ADAMTS5: variants seen among roughly 807,000 people sequenced by gnomAD.
The protein encoded by ADAMTS5 is ADAM metallopeptidase with thrombospondin type 1 motif 5.
ADAMTS5 carries 54 observed loss-of-function variants against 81.4 expected under a neutral mutation model. The ratio of observed to expected loss-of-function variants is 0.66; its 90% CI spans 0.53 to 0.83. The LOEUF is 0.83. ADAMTS5 is among the 40% of genes least tolerant of loss of function. ADAMTS5 has a pLI of 0.00. For missense variants in ADAMTS5, 1,194 were observed against 1,229.9 expected (o/e 0.97, Z 0.44); for synonymous variants, 532 against 508.8 (o/e 1.05, Z -0.61).
chr21:26,963,655 A>C (rs1987574598), intron 1 of ADAMTS5, among the ~76,000 whole-genome samples: 1 of 64,140 alleles, frequency 1.6e-5, no homozygotes, highest in Non-Finnish European at 3.0e-5. Context: ...AAAAAAAAAA[A>C]AAAAAAAAAA....
rs371205954 is a variant in ADAMTS5 at position 26,965,847 on chromosome 21, T to A, written c.545A>T (p.Tyr182Phe). ...CAGGATCCGTGCGGACCCATCCCCG[T>A]ACACGCGCCCCTTTTCTTCCTCCGC... Reference protein sequence around the residue: ...PWAEEEKGRVYGDGSARILHV... With the variant: ...PWAEEEKGRVFGDGSARILHV... Residue 182 changes from tyrosine (Y) to phenylalanine (F), a missense_variant, in exon 1 of 8, where the codon TAC (tyrosine) becomes TTC (phenylalanine). Tyr to Phe is a conservative substitution (Grantham distance 22). This residue lies in a region of ADAMTS5 where 498 missense variants were observed against 412.3 expected (regional missense o/e 1.21). Transcript: ENST00000284987. 1 of 1,612,622 alleles carries A rather than the reference T, an allele frequency of 6.2e-7. No individual in the cohort carries two copies.
At chr21:26,955,915 C>T (rs1987417317) in intron 1 of ADAMTS5, among the ~76,000 whole-genome samples, 1 of 152,144 alleles carries the variant, frequency 6.6e-6, no homozygotes, top group African/African-American at 2.4e-5. Flanking sequence ...ATTGTAAAGA[C>T]AACTGTTTAT....
chr21:26,933,618 C>T (rs778104080), intron 4 of ADAMTS5, among the ~76,000 whole-genome samples: 53 of 152,342 alleles, frequency 3.5e-4, no homozygotes, highest in Non-Finnish European at 7.1e-4. Flanking sequence ...AATGCACTCA[C>T]GCCATACATG....
At chr21:26,943,311 TA>T in intron 3 of ADAMTS5, 68 bp downstream of exon 3, 1 of 1,401,584 alleles carries the variant, frequency 7.1e-7, no homozygotes, top group Non-Finnish European at 9.8e-7. Context: ...TATGAGGATA[TA>T]ATGAAGTCAA....
chr21:26,933,089 A>G (rs1227509137), intron 4 of ADAMTS5, 45 bp from the exon 5 acceptor site: 1 of 1,551,834 alleles, frequency 6.4e-7, no homozygotes, highest in South Asian at 1.2e-5. Context: ...TGAGAGAAAA[A>G]CATTGAAAGT....
chr21:26,932,061 C>T lies in ADAMTS5; in HGVS notation c.1992G>A (p.Val664=). The T allele has an allele frequency of 2.5e-6, 4 of 1,614,196 alleles. No homozygotes were observed. Among genetic ancestry groups the T allele is most frequent in the Admixed American group, 3.3e-5 (2 of 60,026 alleles). The change falls in exon 6 of 8, where the codon GTG becomes GTA. Residue 664 remains valine, a synonymous_variant. Transcript: ENST00000284987. ...CCTTGGCTCTGCAGGTCAGCTTGCA[C>T]ACATCCGCTGGCAGGACACCTGCAT... is the stretch of plus-strand genomic sequence containing the variant. The part of the protein sequence containing the change: ...PKYAGVLPAD[V]CKLTCRAKGT...
chr21:26,937,701 T>G (rs1441126061), intron 3 of ADAMTS5, among the ~76,000 whole-genome samples: 1 of 151,810 alleles, frequency 6.6e-6, no homozygotes, highest in African/African-American at 2.4e-5. Flanking sequence ...GGGGAAGGAG[T>G]AAAAGGGGAA....
chr21:26,959,515 T>A (rs979793900), intron 1 of ADAMTS5, among the ~76,000 whole-genome samples: 1 of 152,194 alleles, frequency 6.6e-6, no homozygotes, highest in Non-Finnish European at 1.5e-5. Context: ...AGTCATCACA[T>A]ACGTTATTCT....
rs610211 is a variant in ADAMTS5, at chr21:26,966,132, A to T, written c.260T>A (p.Val87Glu). The T allele has an allele frequency of 4.4e-5, 71 of 1,612,252 alleles. 1 individual carries two copies. The Admixed American group carries it at 6.7e-4, about 15-fold the overall frequency. The stretch of plus-strand genomic sequence containing the variant: ...GCCGCCCGCGTAGACGAGGTAGCCC[A>T]CCTTGCCGCCGCCGGAGTAGAGTTG... ...IDQLYSGGGK[V>E]GYLVYAGGRR... Residue 87 changes from valine to glutamate, a missense_variant, in exon 1 of 8, where the codon GTG becomes GAG. Coordinates refer to ENST00000284987, the MANE Select transcript of ADAMTS5 (RefSeq NM_007038.5).
chr21:26,966,238 G>A lies in ADAMTS5; in HGVS notation c.154C>T (p.Gln52Ter). The A allele has an allele frequency of 6.2e-7, 1 of 1,602,058 alleles. No individual in the cohort carries two copies. ...QPRRRQGEEV[Q>*]ERAEPPGHPH... ...TGGCCGGGAGGCTCGGCTCGCTCCT[G>A]CACCTCCTCCCCCTGCCGCCGGCGG... The change falls in exon 1 of 8, where the codon CAG (glutamine) becomes TAG (stop). Residue 52 changes from glutamine (Q) to a stop codon, truncating the protein, a stop_gained. Coordinates refer to ENST00000284987, the MANE Select transcript of ADAMTS5 (RefSeq NM_007038.5). LOFTEE classifies it high-confidence loss of function.
At position 26,924,560 on chromosome 21, in the gene ADAMTS5, C is replaced by T; in HGVS notation, c.2286G>A (p.Gln762=). 1.2e-6 allele frequency: 2 copies of T among 1,614,046 alleles called. No homozygotes were observed. The highest frequency in any genetic ancestry group is 2.7e-5 in the African/African-American group (2 of 75,002). ...PEGATHIKVR[Q]FKAKDQTRFT... ...ATCTAGTCTGGTCTTTGGCTTTGAACTGTCGAACTTTTATGTGGGTTGCCC... is the reference window on the plus strand; with the variant it reads ...ATCTAGTCTGGTCTTTGGCTTTGAATTGTCGAACTTTTATGTGGGTTGCCC... Residue 762 remains glutamine, a synonymous_variant, in exon 8 of 8, where the codon CAG becomes CAA. Transcript: ENST00000284987.
intron 1 of ADAMTS5, among the ~76,000 whole-genome samples, chr21:26,956,213 T>A (rs997029758): frequency 6.6e-6 from 1 of 152,226 alleles, no homozygotes; most frequent in African/African-American, 2.4e-5. Context: ...ATAAAAATCC[T>A]ACCAAGGTGA....
In ADAMTS5 at chr21:26,965,726, A is replaced by G. The variant is rs369445782; in HGVS notation, c.666T>C (p.Ala222=). 3.8e-6 allele frequency: 6 copies of G among 1,590,664 alleles called. No individual in the cohort carries two copies. In the African/African-American group the frequency reaches 4.0e-5, roughly 11 times the overall value. ...GTCCGCTCGGGTTGCTGTGCGCCGGAGCATGCTCGTGGGCCTCCGGTGTGG... is the reference window on the plus strand; with the variant it reads ...GTCCGCTCGGGTTGCTGTGCGCCGGGGCATGCTCGTGGGCCTCCGGTGTGG... The part of the protein sequence containing the change: ...PASTPEAHEH[A]PAHSNPSGRA... Residue 222 remains alanine, a synonymous_variant, in exon 1 of 8, where the codon GCT becomes GCC. Coordinates refer to ENST00000284987, the MANE Select transcript of ADAMTS5 (RefSeq NM_007038.5).
At position 26,919,303 on chromosome 21, in the gene ADAMTS5, C is replaced by G. The variant is rs1278611782; in HGVS notation, c.*4750G>C. The G allele has an allele frequency of 6.6e-6, 1 of 151,176 alleles. No homozygotes were observed. The highest frequency in any genetic ancestry group is 1.5e-5 in the Non-Finnish European group (1 of 67,802). 9.4% of individuals were successfully genotyped at this position (151,176 alleles called of 1,614,324 possible). Reference sequence around the variant, plus strand: ...TTAGGTCACTCTGATGTAGCAGTACCTTACAGGATGAGGGGCCACTGCTCG... The same window carrying G: ...TTAGGTCACTCTGATGTAGCAGTACGTTACAGGATGAGGGGCCACTGCTCG... On this transcript the variant is annotated 3_prime_UTR_variant, in exon 8 of 8. Transcript: ENST00000284987.
intron 6 of ADAMTS5, 119 bp from the exon 7 acceptor site, chr21:26,930,180 GAA>G (rs34738885): frequency 4.5e-4 from 290 of 644,206 alleles, no homozygotes; most frequent in East Asian, 8.7e-4. Flanking sequence ...ACAGTCCATT[GAA>G]AAAAAAAAAA....
rs1986742848 is a variant in ADAMTS5, at chr21:26,923,625, AC to A, written c.*427del. 1 of 157,262 alleles carries A rather than the reference AC, an allele frequency of 6.4e-6. No individual in the cohort carries two copies. The highest frequency in any genetic ancestry group is 2.4e-5 in the African/African-American group (1 of 41,520). The allele number at this position is 157,262 out of a possible 1,614,324, so 9.7% of individuals were successfully genotyped here. On this transcript the variant is annotated 3_prime_UTR_variant, in exon 8 of 8. Transcript: ENST00000284987. The stretch of plus-strand genomic sequence containing the variant: ...AAATATATATGGATATTTTAATAGA[AC>A]CAGGGGATATAAAGTGACATACCAA...
Position 26,965,327 on chromosome 21 carries a change from ATG to A in ADAMTS5, c.1063_1064del (p.His355Ter). The A allele has an allele frequency of 1.9e-6, 3 of 1,614,176 alleles. No individual in the cohort carries two copies. Among genetic ancestry groups the A allele is most frequent in the Non-Finnish European group, 2.5e-6 (3 of 1,180,004 alleles). On this transcript the variant is annotated frameshift_variant, in exon 1 of 8. Transcript: ENST00000284987. LOFTEE classifies it high-confidence loss of function. ...GGATAGCTGCATCGTAGTGCTCCTC[ATG>A]GTCATCTCCCAGCTGGTTGTGTTGG... ...QHQHNQLGDDHEEHYDAAILF... is the reference protein window; with the variant it reads ...QHQHNQLGDDXEEHYDAAILF...
chr21:26,932,745 G>T, intron 5 of ADAMTS5, 116 bp downstream of exon 5: 1 of 1,134,694 alleles, frequency 8.8e-7, no homozygotes, highest in Non-Finnish European at 1.2e-6. Flanking sequence ...TCTGCATATT[G>T]GTGGAACTGT....
chr21:26,929,922 C>T lies in ADAMTS5; in HGVS notation c.2189G>A (p.Ser730Asn). Residue 730 changes from serine (S) to asparagine (N), a missense_variant, in exon 7 of 8, where the codon AGC (serine) becomes AAC (asparagine). By Grantham distance (46) the Ser-to-Asn change is conservative. Coordinates refer to ENST00000284987, the MANE Select transcript of ADAMTS5 (RefSeq NM_007038.5). Reference sequence around the variant, plus strand: ...AAAGGTTCCAACAATCTTTGTACAGCTGGAGTTGTCTCCTCCACATACTCC... The same window carrying T: ...AAAGGTTCCAACAATCTTTGTACAGTTGGAGTTGTCTCCTCCACATACTCC... ...KCGVCGGDNS[S>N]CTKIVGTFNK... 1 of 1,614,092 alleles carries T rather than the reference C, an allele frequency of 6.2e-7. No individual in the cohort carries two copies. Among genetic ancestry groups the T allele is most frequent in the Non-Finnish European group, 8.5e-7 (1 of 1,179,944 alleles).
Sources: allele counts gnomAD v4.1 joint callset (sites outside exome capture counted in the v4.1 genomes callset), GRCh38; gene constraint gnomAD v4.1.1; regional missense constraint gnomAD v4.1.1; transcripts MANE v1.5; gene names NCBI Gene and HGNC (gene_info 2026-07-23, HGNC 2026-07-21).